INKA1: variants seen among roughly 807,000 people sequenced by gnomAD.
INKA1 encodes the protein inka box actin regulator 1.
In INKA1, 14 loss-of-function variants were observed where a neutral mutation model predicts 21.3. The observed-to-expected ratio is 0.66, with a 90% confidence interval of 0.43 to 1.03. The LOEUF (loss-of-function observed/expected upper bound fraction) is 1.03, where lower values mean the gene tolerates loss of function less well. Among genes scored for constraint, INKA1 ranks in the 50% least tolerant of loss-of-function variants. INKA1 has a pLI of 0.00. For missense variants in INKA1, 353 were observed against 379.0 expected, an observed-to-expected ratio of 0.93 and a Z score of 0.57; for synonymous variants, 133 against 143.3, an observed-to-expected ratio of 0.93 and a Z score of 0.51.
At position 49,804,681 on chromosome 3, in the gene INKA1, G is replaced by A. The variant is rs936881629; in HGVS notation, c.552G>A (p.Leu184=). 1.2e-6 allele frequency: 2 copies of A among 1,613,188 alleles called. No homozygotes were observed. The highest frequency in any genetic ancestry group is 1.3e-5 in the African/African-American group (1 of 75,042). ...LLNRGRSRQP[L]VLGDNCFADL... ...ACAGGGGTCGCAGTCGCCAGCCCCT[G>A]GTACTAGGGGACAATTGCTTTGCTG... Residue 184 remains leucine (L), a synonymous_variant, in exon 2 of 2, where the codon CTG becomes CTA. Transcript: ENST00000333323. This position sits in a 1 kb window ranked among gnomAD's most constrained non-coding sequence, Gnocchi z 6.7.
chr3:49,804,868 C>A lies in INKA1; in HGVS notation c.739C>A (p.Arg247=), dbSNP rs761387997. 6.2e-7 allele frequency: 1 copy of A among 1,612,512 alleles called. No individual in the cohort carries two copies. The highest frequency in any genetic ancestry group is 8.5e-7 in the Non-Finnish European group (1 of 1,179,976). ...TCGGCGGACAGCTATGGCAGGAAAGCGGCTGTCATGCCCACCTCGCCCAGA... is the reference window on the plus strand; with the variant it reads ...TCGGCGGACAGCTATGGCAGGAAAGAGGCTGTCATGCCCACCTCGCCCAGA... ...RARRTAMAGK[R]LSCPPRPEPE... Residue 247 remains arginine (R), a synonymous_variant, in exon 2 of 2, where the codon CGG becomes AGG. Transcript: ENST00000333323. This position sits in a 1 kb window ranked among gnomAD's most constrained non-coding sequence, Gnocchi z 6.7.
At position 49,805,026 on chromosome 3, in the gene INKA1, T is replaced by C; in HGVS notation, c.*39T>C. On this transcript the variant is annotated 3_prime_UTR_variant, in exon 2 of 2. Transcript: ENST00000333323. ...CCTGGGACAATAAAAGCCTTTTTTC[T>C]AGACTGTCCTGGCTCCATACCCCTG... The C allele has an allele frequency of 3.8e-6, 6 of 1,573,200 alleles. No individual in the cohort carries two copies. The highest frequency in any genetic ancestry group is 4.3e-6 in the Non-Finnish European group (5 of 1,155,182).
chr3:49,803,291 G>A lies in INKA1; in HGVS notation c.-102G>A. On this transcript the variant is annotated 5_prime_UTR_variant, in exon 1 of 2. Transcript: ENST00000333323. The surrounding 1 kb of genome is among the most constrained non-coding windows in gnomAD (Gnocchi z 4.8). ...GAGCGAGGAGTCGCGCAGGCAGGCG[G>A]AGGCTGAGGGCGCCGCTGGCCGGCC... 1 of 1,175,190 alleles carries A rather than the reference G, an allele frequency of 8.5e-7. No homozygotes were observed. The allele number at this position is 1,175,190 out of a possible 1,614,324, so 72.8% of individuals were successfully genotyped here. A position where few individuals can be genotyped will look rare whatever the true frequency, so the allele number is the denominator to read the frequency against.
Position 49,803,606 on chromosome 3 carries a change from G to C in INKA1, c.51+163G>C, listed in dbSNP as rs1398770608. ...GCTCAGATGGCCCGCGTCGGGTTTC[G>C]GACGGTTGGGAACTGAGCTGAGCAT... On this transcript the variant is annotated intron_variant, in intron 1 of 1. Transcript: ENST00000333323. The surrounding 1 kb of genome is among the most constrained non-coding windows in gnomAD (Gnocchi z 4.8). 6.6e-6 allele frequency among the ~76,000 whole-genome samples: 1 copy of C among 152,058 alleles called. No homozygotes were observed. The highest frequency in any genetic ancestry group is 2.4e-5 in the African/African-American group (1 of 41,402).
In INKA1 at chr3:49,803,710, G is replaced by C. The variant is rs563646834; in HGVS notation, c.51+267G>C. Among the ~76,000 whole-genome samples, 1 of 152,222 alleles carries C rather than the reference G, an allele frequency of 6.6e-6. No homozygotes were observed. The highest frequency in any genetic ancestry group is 6.5e-5 in the Admixed American group (1 of 15,294). The stretch of plus-strand genomic sequence containing the variant: ...TGGAAGGGGGACTTCTTTGGGGGCG[G>C]GGCATGGGGCGGCAAGGGACTAACG... On this transcript the variant is annotated intron_variant, in intron 1 of 1. Coordinates refer to ENST00000333323, the MANE Select transcript of INKA1 (RefSeq NM_203370.2). This position sits in a 1 kb window ranked among gnomAD's most constrained non-coding sequence, Gnocchi z 4.8.
Position 49,803,326 on chromosome 3 carries a change from C to T in INKA1, c.-67C>T. 6.2e-6 allele frequency: 9 copies of T among 1,450,822 alleles called. No individual in the cohort carries two copies. In the South Asian group the frequency reaches 9.7e-5, roughly 16 times the overall value. The allele number at this position is 1,450,822 out of a possible 1,614,324, so 89.9% of individuals were successfully genotyped here. On this transcript the variant is annotated 5_prime_UTR_variant, in exon 1 of 2. Coordinates refer to ENST00000333323, the MANE Select transcript of INKA1 (RefSeq NM_203370.2). The surrounding 1 kb of genome is among the most constrained non-coding windows in gnomAD (Gnocchi z 4.8). Reference sequence around the variant, plus strand: ...GCGCCGCTGGCCGGCCCTCCCAGCCCTCTCCGCGCGGCTCCGCCGGGGTTC... The same window carrying T: ...GCGCCGCTGGCCGGCCCTCCCAGCCTTCTCCGCGCGGCTCCGCCGGGGTTC...
At position 49,804,618 on chromosome 3, in the gene INKA1, GGGACTGGAAGCAGA is replaced by G. The variant is rs761055764; in HGVS notation, c.498_511del (p.Glu166AspfsTer23). On this transcript the variant is annotated frameshift_variant, in exon 2 of 2. Transcript: ENST00000333323. LOFTEE classifies it high-confidence loss of function. The surrounding 1 kb of genome is among the most constrained non-coding windows in gnomAD (Gnocchi z 6.7). Reference sequence around the variant, plus strand: ...CAGACGCCTGCCTGGAGCACTGGCAGGGACTGGAAGCAGAGGACTGGACAGCAGCCCTACTGAAC... The same window carrying G: ...CAGACGCCTGCCTGGAGCACTGGCAGGGACTGGACAGCAGCCCTACTGAAC... 1.2e-5 allele frequency: 20 copies of G among 1,613,186 alleles called. No individual in the cohort carries two copies. Among genetic ancestry groups the G allele is most frequent in the Non-Finnish European group, 1.7e-5 (20 of 1,180,036 alleles).
rs368644051 is a variant in INKA1, at chr3:49,805,030, C to T, written c.*43C>T. On this transcript the variant is annotated 3_prime_UTR_variant, in exon 2 of 2. Transcript: ENST00000333323. ...GGACAATAAAAGCCTTTTTTCTAGA[C>T]TGTCCTGGCTCCATACCCCTGAGGC... 80 of 1,563,028 alleles carry T rather than the reference C, an allele frequency of 5.1e-5. No individual in the cohort carries two copies. The highest frequency in any genetic ancestry group is 6.9e-5 in the Non-Finnish European group (79 of 1,148,904).
rs755029617 is a variant in INKA1 at position 49,804,282 on chromosome 3, G to A, written c.153G>A (p.Ser51=). 5.6e-6 allele frequency: 9 copies of A among 1,613,402 alleles called. No homozygotes were observed. Among genetic ancestry groups the A allele is most frequent in the East Asian group, 4.5e-5 (2 of 44,892 alleles). The change falls in exon 2 of 2, where the codon TCG becomes TCA. Residue 51 remains serine, a synonymous_variant. Transcript: ENST00000333323. The surrounding 1 kb of genome is among the most constrained non-coding windows in gnomAD (Gnocchi z 6.7). ...DVQPSHQLRA[S]GALEEDSVCC... ...AGCCCAGCCACCAGCTTAGGGCCTC[G>A]GGTGCCTTGGAAGAGGACTCAGTCT...
At position 49,804,427 on chromosome 3, in the gene INKA1, TCAGG is replaced by T; in HGVS notation, c.302_305del (p.Gly101AlafsTer39). On this transcript the variant is annotated frameshift_variant, in exon 2 of 2. Coordinates refer to ENST00000333323, the MANE Select transcript of INKA1 (RefSeq NM_203370.2). LOFTEE classifies it high-confidence loss of function. The surrounding 1 kb of genome is among the most constrained non-coding windows in gnomAD (Gnocchi z 6.7). The stretch of plus-strand genomic sequence containing the variant: ...CTGGGACTCTGGCTTCTCGGAGGTG[TCAGG>T]CAGCACATGGCGAGAGGAAGAACTG... 1 of 1,613,346 alleles carries T rather than the reference TCAGG, an allele frequency of 6.2e-7. No individual in the cohort carries two copies. Among genetic ancestry groups the T allele is most frequent in the East Asian group, 2.2e-5 (1 of 44,850 alleles).
In INKA1 at chr3:49,803,453, G is replaced by C. The variant is rs1368208097; in HGVS notation, c.51+10G>C. On this transcript the variant is annotated intron_variant, in intron 1 of 1. Coordinates refer to ENST00000333323, the MANE Select transcript of INKA1 (RefSeq NM_203370.2). This position sits in a 1 kb window ranked among gnomAD's most constrained non-coding sequence, Gnocchi z 4.8. ...GCTCCGCTGGGAACTGGTGAGGCTC[G>C]GGAGCGGGTGTGGTTAGTGAGGACG... The C allele has an allele frequency of 6.4e-7, 1 of 1,552,558 alleles. No individual in the cohort carries two copies. The highest frequency in any genetic ancestry group is 8.7e-7 in the Non-Finnish European group (1 of 1,150,992).
At position 49,804,048 on chromosome 3, in the gene INKA1, T is replaced by A. The variant is rs557505371; in HGVS notation, c.52-133T>A. ...CCAGCTTCGAGTGCCAGCACCCCTA[T>A]GCCTGCCCTGTGCTCACTAACACCC... On this transcript the variant is annotated intron_variant, in intron 1 of 1. Coordinates refer to ENST00000333323, the MANE Select transcript of INKA1 (RefSeq NM_203370.2). This position sits in a 1 kb window ranked among gnomAD's most constrained non-coding sequence, Gnocchi z 6.7. The A allele has an allele frequency of 1.5e-5, 11 of 739,784 alleles. No individual in the cohort carries two copies. The African/African-American group carries it at 1.9e-4, about 13-fold the overall frequency. 45.8% of individuals were successfully genotyped at this position (739,784 alleles called of 1,614,324 possible). A position where few individuals can be genotyped will look rare whatever the true frequency, so the allele number is the denominator to read the frequency against.
In INKA1 at chr3:49,804,634, G is replaced by A. The variant is rs2081415420; in HGVS notation, c.505G>A (p.Asp169Asn). The A allele has an allele frequency of 6.2e-7, 1 of 1,613,220 alleles. No individual in the cohort carries two copies. The highest frequency in any genetic ancestry group is 8.5e-7 in the Non-Finnish European group (1 of 1,180,014). Residue 169 changes from aspartate (D) to asparagine (N), a missense_variant, in exon 2 of 2, where the codon GAC becomes AAC. Coordinates refer to ENST00000333323, the MANE Select transcript of INKA1 (RefSeq NM_203370.2). The surrounding 1 kb of genome is among the most constrained non-coding windows in gnomAD (Gnocchi z 6.7). ...LEHWQGLEAEDWTAALLNRGR... is the reference protein window; with the variant it reads ...LEHWQGLEAENWTAALLNRGR... ...GCACTGGCAGGGACTGGAAGCAGAG[G>A]ACTGGACAGCAGCCCTACTGAACAG...
In INKA1 at chr3:49,804,824, G is replaced by C; in HGVS notation, c.695G>C (p.Arg232Pro). 1 of 1,613,208 alleles carries C rather than the reference G, an allele frequency of 6.2e-7. No individual in the cohort carries two copies. Among genetic ancestry groups the C allele is most frequent in the South Asian group, 1.1e-5 (1 of 91,078 alleles). ...CTGCTTGGCCTCTCTGAGCAGCTTC[G>C]GCGCCGGCTGGCCAGGGCTCGGCGG... ...QFLLGLSEQL[R>P]RRLARARRTA... The change falls in exon 2 of 2, where the codon CGG becomes CCG. Residue 232 changes from arginine to proline, a missense_variant. Physicochemically the swap from Arg to Pro is moderately radical, Grantham distance 103. Coordinates refer to ENST00000333323, the MANE Select transcript of INKA1 (RefSeq NM_203370.2). This position sits in a 1 kb window ranked among gnomAD's most constrained non-coding sequence, Gnocchi z 6.7.
rs1238070847 is a variant in INKA1, at chr3:49,804,121, C to T, written c.52-60C>T. The T allele has an allele frequency of 9.6e-6, 14 of 1,455,678 alleles. No individual in the cohort carries two copies. The highest frequency in any genetic ancestry group is 2.3e-5 in the East Asian group (1 of 43,780). The allele number at this position is 1,455,678 out of a possible 1,614,324, so 90.2% of individuals were successfully genotyped here. A position where few individuals can be genotyped will look rare whatever the true frequency, so the allele number is the denominator to read the frequency against. ...ATCTAACCTTCCTGGACCCTCTGTT[C>T]TCTGGGCTGGCCTGGTGACAAGTGA... On this transcript the variant is annotated intron_variant, in intron 1 of 1. Transcript: ENST00000333323. The surrounding 1 kb of genome is among the most constrained non-coding windows in gnomAD (Gnocchi z 6.7).
chr3:49,803,402 G>T lies in INKA1; in HGVS notation c.10G>T (p.Ala4Ser). 2 of 1,550,046 alleles carry T rather than the reference G, an allele frequency of 1.3e-6. No homozygotes were observed. The highest frequency in any genetic ancestry group is 1.2e-5 in the South Asian group (1 of 83,030). Residue 4 changes from alanine to serine, a missense_variant, in exon 1 of 2, where the codon GCT (alanine) becomes TCT (serine). Ala to Ser is a moderately conservative substitution (Grantham distance 99). Transcript: ENST00000333323. The surrounding 1 kb of genome is among the most constrained non-coding windows in gnomAD (Gnocchi z 4.8). MHS[A>S]RLDSFLSQLR... ...GGGCCCTGGCATGGACATGCACAGC[G>T]CTCGGCTTGACAGCTTCCTTAGCCA...
Position 49,804,229 on chromosome 3 carries a change from C to G in INKA1, c.100C>G (p.Pro34Ala). Residue 34 changes from proline to alanine, a missense_variant, in exon 2 of 2, where the codon CCA becomes GCA. Transcript: ENST00000333323. This position sits in a 1 kb window ranked among gnomAD's most constrained non-coding sequence, Gnocchi z 6.7. ...GSPSMPGPLQ[P>A]TSQTGPDVQP... ...ACCCTCAATGCCTGGTCCCCTGCAG[C>G]CAACCTCCCAAACTGGCCCAGATGT... 1 of 1,606,732 alleles carries G rather than the reference C, an allele frequency of 6.2e-7. No individual in the cohort carries two copies. Among genetic ancestry groups the G allele is most frequent in the Non-Finnish European group, 8.5e-7 (1 of 1,175,630 alleles).
rs973021179 is a variant in INKA1, at chr3:49,803,810, A to G, written c.51+367A>G. ...TCCCTTCTCTACCCCTCACCTAGCA[A>G]GCGCTCTTTCTGTGAAAGACGCTTT... On this transcript the variant is annotated intron_variant, in intron 1 of 1. Transcript: ENST00000333323. The surrounding 1 kb of genome is among the most constrained non-coding windows in gnomAD (Gnocchi z 4.8). Among the ~76,000 whole-genome samples, 2 of 152,116 alleles carry G rather than the reference A, an allele frequency of 1.3e-5. No individual in the cohort carries two copies. The highest frequency in any genetic ancestry group is 1.5e-5 in the Non-Finnish European group (1 of 68,002).
chr3:49,803,346 G>A lies in INKA1; in HGVS notation c.-47G>A. On this transcript the variant is annotated 5_prime_UTR_variant, in exon 1 of 2. Coordinates refer to ENST00000333323, the MANE Select transcript of INKA1 (RefSeq NM_203370.2). The surrounding 1 kb of genome is among the most constrained non-coding windows in gnomAD (Gnocchi z 4.8). ...CAGCCCTCTCCGCGCGGCTCCGCCGGGGTTCCAAGAGGAGCTAGTAGGTTC... is the reference window on the plus strand; with the variant it reads ...CAGCCCTCTCCGCGCGGCTCCGCCGAGGTTCCAAGAGGAGCTAGTAGGTTC... 3 of 1,473,924 alleles carry A rather than the reference G, an allele frequency of 2.0e-6. No individual in the cohort carries two copies. The highest frequency in any genetic ancestry group is 2.7e-6 in the Non-Finnish European group (3 of 1,116,044). 91.3% of individuals were successfully genotyped at this position (1,473,924 alleles called of 1,614,324 possible).
Sources: allele counts gnomAD v4.1 joint callset (sites outside exome capture counted in the v4.1 genomes callset), GRCh38; gene constraint gnomAD v4.1.1; non-coding constraint Gnocchi (gnomAD v3.1); transcripts MANE v1.5; gene names NCBI Gene and HGNC (gene_info 2026-07-23, HGNC 2026-07-21).